The following DCPS variants were observed in gnomAD, a reference collection of about 807,000 sequenced individuals.
DCPS encodes the protein m7GpppX diphosphatase.
A neutral mutation model predicts 34.7 loss-of-function variants in DCPS; 27 were observed. The observed-to-expected ratio is 0.78, with a 90% CI of 0.57 to 1.07. DCPS has a LOEUF of 1.07. DCPS is among the 50% of genes least tolerant of loss of function. The pLI is 0.00. For missense variants in DCPS, 464 were observed against 436.9 expected (o/e 1.06, Z -0.55); for synonymous variants, 185 against 185.7 (o/e 1.00, Z 0.03).
chr11:126,345,487 C>T lies in DCPS; in HGVS notation c.888C>T (p.His296=), dbSNP rs1395666019. 1.2e-6 allele frequency: 2 copies of T among 1,614,170 alleles called. No homozygotes were observed. The highest frequency in any genetic ancestry group is 2.2e-5 in the East Asian group (1 of 44,886). ...EAPGSGVERA[H]LLAEVIENLE... is the part of the protein sequence containing the mutation. ...CCGGCTCAGGCGTGGAGCGGGCCCA[C>T]CTGCTGGCTGAGGTGATCGAGAACT... Residue 296 remains histidine, a synonymous_variant, in exon 6 of 6, where the codon CAC becomes CAT. Transcript: ENST00000263579. This position sits in a 1 kb window ranked among gnomAD's most constrained non-coding sequence, Gnocchi z 7.4.
Position 126,345,458 on chromosome 11 carries a change from G to T in DCPS, c.859G>T (p.Ala287Ser). The change falls in exon 6 of 6, where the codon GCC (alanine) becomes TCC (serine). Residue 287 changes from alanine to serine, a missense_variant. Ala to Ser is a moderately conservative substitution (Grantham distance 99, BLOSUM62 1). Transcript: ENST00000263579. The surrounding 1 kb of genome is among the most constrained non-coding windows in gnomAD (Gnocchi z 7.4). ...GCACTTCACCGCCCTGGGCTTCGAGGCCCCCGGCTCAGGCGTGGAGCGGGC... is the reference window on the plus strand; with the variant it reads ...GCACTTCACCGCCCTGGGCTTCGAGTCCCCCGGCTCAGGCGTGGAGCGGGC... The part of the protein sequence containing the change: ...HVHFTALGFE[A>S]PGSGVERAHL... 6.2e-7 allele frequency: 1 copy of T among 1,614,152 alleles called. No homozygotes were observed. The highest frequency in any genetic ancestry group is 8.5e-7 in the Non-Finnish European group (1 of 1,180,026).
chr11:126,332,254 TCGTCTGGCCAGG>T lies in DCPS; in HGVS notation c.522+706_522+717del, dbSNP rs1951799798. On this transcript the variant is annotated intron_variant, in intron 3 of 5. Coordinates refer to ENST00000263579, the MANE Select transcript of DCPS (RefSeq NM_014026.6). This position sits in a 1 kb window ranked among gnomAD's most constrained non-coding sequence, Gnocchi z 5.4. ...AGGGACTCCATTCACAAGCTGGCAG[TCGTCTGGCCAGG>T]CCAGATGCAAGGCCATTTAGCTCCA... Among the ~76,000 whole-genome samples the T allele has an allele frequency of 6.6e-6, 1 of 152,214 alleles. No homozygotes were observed. The highest frequency in any genetic ancestry group is 2.1e-4 in the South Asian group (1 of 4,830).
In DCPS at chr11:126,336,560, C is replaced by T. The variant is rs1013379277; in HGVS notation, c.523-1726C>T. On this transcript the variant is annotated intron_variant, in intron 3 of 5. Coordinates refer to ENST00000263579, the MANE Select transcript of DCPS (RefSeq NM_014026.6). The surrounding 1 kb of genome is among the most constrained non-coding windows in gnomAD (Gnocchi z 6.3). ...TTCACTCTCACTCTTATACTAGTCA[C>T]AGGCAGATGCCCCTTTTCTGTGAAT... 2 of 152,286 alleles carry T rather than the reference C, an allele frequency of 1.3e-5. No individual in the cohort carries two copies. Among genetic ancestry groups the T allele is most frequent in the African/African-American group, 4.8e-5 (2 of 41,464 alleles). The allele number at this position is 152,286 out of a possible 1,614,324, so 9.4% of individuals were successfully genotyped here.
rs1951927389 is a variant in DCPS at position 126,346,221 on chromosome 11, C to A, written c.*608C>A. Among the ~76,000 whole-genome samples, 1 of 152,070 alleles carries A rather than the reference C, an allele frequency of 6.6e-6. No homozygotes were observed. The highest frequency in any genetic ancestry group is 1.5e-5 in the Non-Finnish European group (1 of 68,024). On this transcript the variant is annotated 3_prime_UTR_variant, in exon 6 of 6. Coordinates refer to ENST00000263579, the MANE Select transcript of DCPS (RefSeq NM_014026.6). The surrounding 1 kb of genome is among the most constrained non-coding windows in gnomAD (Gnocchi z 4.1). ...GAAATCGGCGGGTTTTAATAAGAATCAGATTATGCAAGGCCGAAAAGCCTG... is the reference window on the plus strand; with the variant it reads ...GAAATCGGCGGGTTTTAATAAGAATAAGATTATGCAAGGCCGAAAAGCCTG...
In DCPS at chr11:126,320,102, G is replaced by T. The variant is rs896694903; in HGVS notation, c.377-11303G>T. On this transcript the variant is annotated intron_variant, in intron 2 of 5. Transcript: ENST00000263579. The surrounding 1 kb of genome is among the most constrained non-coding windows in gnomAD (Gnocchi z 4.7). The stretch of plus-strand genomic sequence containing the variant: ...CATCTTTACCATCCTGGCCAGGCTG[G>T]TCTCAAACTCCTGACCTCAAGTGAT... Among the ~76,000 whole-genome samples, 10 of 151,614 alleles carry T rather than the reference G, an allele frequency of 6.6e-5. No individual in the cohort carries two copies. Among genetic ancestry groups the T allele is most frequent in the African/African-American group, 2.4e-4 (10 of 41,232 alleles).
Position 126,346,697 on chromosome 11 carries a change from C to T in DCPS, c.*1084C>T, listed in dbSNP as rs1203566096. ...TCAGGGATGGCAGGATGGCAGGCTC[C>T]TAAGTGACAGCAGGGGGGAAGCTTG... On this transcript the variant is annotated 3_prime_UTR_variant, in exon 6 of 6. Transcript: ENST00000263579. This position sits in a 1 kb window ranked among gnomAD's most constrained non-coding sequence, Gnocchi z 4.1. 6.6e-6 allele frequency among the ~76,000 whole-genome samples: 1 copy of T among 152,006 alleles called. No homozygotes were observed. Among genetic ancestry groups the T allele is most frequent in the Non-Finnish European group, 1.5e-5 (1 of 68,024 alleles).
chr11:126,339,296 G>A (rs181891089), intron 4 of DCPS, among the ~76,000 whole-genome samples: 4 of 152,322 alleles, frequency 2.6e-5, no homozygotes, highest in East Asian at 1.9e-4. Context: ...CAGATGTGCC[G>A]TTCTGCTTTC....
At position 126,333,609 on chromosome 11, in the gene DCPS, G is replaced by C. The variant is rs1212152195; in HGVS notation, c.522+2059G>C. ...AGGAGCAAGTCCAGAGGCACACAGA[G>C]CTGGAATCATCCGATGCTTTGGGGG... is the stretch of plus-strand genomic sequence containing the variant. On this transcript the variant is annotated intron_variant, in intron 3 of 5. Coordinates refer to ENST00000263579, the MANE Select transcript of DCPS (RefSeq NM_014026.6). The surrounding 1 kb of genome is among the most constrained non-coding windows in gnomAD (Gnocchi z 5.7). 1.3e-5 allele frequency among the ~76,000 whole-genome samples: 2 copies of C among 152,204 alleles called. No individual in the cohort carries two copies. The highest frequency in any genetic ancestry group is 2.9e-5 in the Non-Finnish European group (2 of 68,034).
intron 4 of DCPS, chr11:126,340,898 ATTTG>A (rs1951870543): frequency 3.3e-5 from 5 of 150,566 alleles, no homozygotes; most frequent in South Asian, 4.2e-4. Context: ...CTTTTTTTTT[ATTTG>A]TTTATTTTCT....
intron 2 of DCPS, among the ~76,000 whole-genome samples, chr11:126,330,719 ATTTTTTT>A (rs1167717646): frequency 2.6e-4 from 5 of 18,876 alleles, no homozygotes; most frequent in South Asian, 3.4e-3. Context: ...ATATATATAT[ATTTTTTT>A]TTTTTTTTTT....
intron 1 of DCPS, among the ~76,000 whole-genome samples, chr11:126,304,534 A>G (rs1021770636): frequency 6.6e-6 from 1 of 152,170 alleles, no homozygotes; most frequent in Admixed American, 6.5e-5. Context: ...GGGAGAGTGC[A>G]TTGCAGATTA....
At position 126,336,097 on chromosome 11, in the gene DCPS, AAG is replaced by A. The variant is rs1320632966; in HGVS notation, c.523-2186_523-2185del. Among the ~76,000 whole-genome samples, 6 of 147,100 alleles carry A rather than the reference AAG, an allele frequency of 4.1e-5. No individual in the cohort carries two copies. The highest frequency in any genetic ancestry group is 1.5e-4 in the African/African-American group (6 of 39,530). On this transcript the variant is annotated intron_variant, in intron 3 of 5. Coordinates refer to ENST00000263579, the MANE Select transcript of DCPS (RefSeq NM_014026.6). The surrounding 1 kb of genome is among the most constrained non-coding windows in gnomAD (Gnocchi z 6.3). ...CGCCACTGCACTCTAGTCTGGGCGA[AAG>A]AGCAAGACTCCATCTCAAAAAAAAA...
intron 2 of DCPS, among the ~76,000 whole-genome samples, chr11:126,307,639 C>G (rs2135308300): frequency 6.6e-6 from 1 of 152,206 alleles, no homozygotes; most frequent in African/African-American, 2.4e-5. Context: ...GAACTCCTGA[C>G]CTCGTGATCC....
Position 126,320,234 on chromosome 11 carries a change from C to T in DCPS, c.377-11171C>T, listed in dbSNP as rs552886906. ...CTGTACTGTGAGGTCTAATCAGTGT[C>T]GGGTGTTATCTTAGGCACTGCACAC... is the stretch of plus-strand genomic sequence containing the variant. On this transcript the variant is annotated intron_variant, in intron 2 of 5. Transcript: ENST00000263579. This position sits in a 1 kb window ranked among gnomAD's most constrained non-coding sequence, Gnocchi z 4.7. 1.3e-5 allele frequency among the ~76,000 whole-genome samples: 2 copies of T among 152,098 alleles called. No homozygotes were observed. The highest frequency in any genetic ancestry group is 2.1e-4 in the South Asian group (1 of 4,824).
chr11:126,332,432 CTG>C lies in DCPS; in HGVS notation c.522+885_522+886del, dbSNP rs1951800873. ...TCTTGCCCACTCACTGACTCTGACA[CTG>C]TGCCTTGTCTTTATCACTCACCCTT... On this transcript the variant is annotated intron_variant, in intron 3 of 5. Transcript: ENST00000263579. This position sits in a 1 kb window ranked among gnomAD's most constrained non-coding sequence, Gnocchi z 5.4. Among the ~76,000 whole-genome samples, 1 of 152,254 alleles carries C rather than the reference CTG, an allele frequency of 6.6e-6. No individual in the cohort carries two copies. The highest frequency in any genetic ancestry group is 2.4e-5 in the African/African-American group (1 of 41,478).
At chr11:126,343,236 G>T in intron 4 of DCPS, 71 bp from the exon 5 acceptor site, 1 of 1,324,790 alleles carries the variant, frequency 7.5e-7, no homozygotes, top group South Asian at 1.2e-5. Context: ...GCTTACGTGA[G>T]AACTCCAGGG....
At position 126,320,221 on chromosome 11, in the gene DCPS, G is replaced by T. The variant is rs529818567; in HGVS notation, c.377-11184G>T. On this transcript the variant is annotated intron_variant, in intron 2 of 5. Transcript: ENST00000263579. The surrounding 1 kb of genome is among the most constrained non-coding windows in gnomAD (Gnocchi z 4.7). The stretch of plus-strand genomic sequence containing the variant: ...TCTGTTCTACAGACTGTACTGTGAG[G>T]TCTAATCAGTGTCGGGTGTTATCTT... Among the ~76,000 whole-genome samples the T allele has an allele frequency of 7.2e-5, 11 of 152,118 alleles. No individual in the cohort carries two copies. Among genetic ancestry groups the T allele is most frequent in the Non-Finnish European group, 1.0e-4 (7 of 68,022 alleles).
rs201746166 is a variant in DCPS at position 126,345,571 on chromosome 11, C to A, written c.972C>A (p.Asp324Glu). The change falls in exon 6 of 6, where the codon GAC becomes GAA. Residue 324 changes from aspartate (D) to glutamate (E), a missense_variant. By Grantham distance (45) the Asp-to-Glu change is conservative (BLOSUM62 2). Transcript: ENST00000263579. This position sits in a 1 kb window ranked among gnomAD's most constrained non-coding sequence, Gnocchi z 7.4. ...QRTLTFALRA[D>E]DPLLKLLQEA... The stretch of plus-strand genomic sequence containing the variant: ...CGCTCACCTTCGCCCTCAGGGCTGA[C>A]GACCCCCTGCTCAAGCTCTTGCAGG... 3 of 1,613,706 alleles carry A rather than the reference C, an allele frequency of 1.9e-6. No homozygotes were observed. Among genetic ancestry groups the A allele is most frequent in the Non-Finnish European group, 2.5e-6 (3 of 1,180,026 alleles).
At position 126,345,271 on chromosome 11, in the gene DCPS, A is replaced by C; in HGVS notation, c.748-76A>C. 2 of 1,574,364 alleles carry C rather than the reference A, an allele frequency of 1.3e-6. No homozygotes were observed. The highest frequency in any genetic ancestry group is 1.2e-5 in the South Asian group (1 of 85,600). ...GCCAATCCAGGATTCAGATGGGAGG[A>C]GGGTCTAGGTGGGGACATGGCGCCG... is the stretch of plus-strand genomic sequence containing the variant. On this transcript the variant is annotated intron_variant, in intron 5 of 5. Transcript: ENST00000263579. The surrounding 1 kb of genome is among the most constrained non-coding windows in gnomAD (Gnocchi z 7.4).
Sources: allele counts gnomAD v4.1 joint callset (sites outside exome capture counted in the v4.1 genomes callset), GRCh38; gene constraint gnomAD v4.1.1; non-coding constraint Gnocchi (gnomAD v3.1); transcripts MANE v1.5; gene names NCBI Gene and HGNC (gene_info 2026-07-23, HGNC 2026-07-21).